Variants in RBMS3 observed in about 807,000 individuals in gnomAD.
RBMS3 encodes RNA binding motif single stranded interacting protein 3.
Under a neutral mutation model 66.8 loss-of-function variants are expected in RBMS3, and 27 were observed. The observed-to-expected ratio is 0.40, with a 90% CI of 0.30 to 0.56. RBMS3 has a LOEUF of 0.56. RBMS3 is among the 20% of genes least tolerant of loss of function. RBMS3 has a pLI of 0.40. For missense variants in RBMS3, 513 were observed against 549.5 expected (o/e 0.93, Z 0.66); for synonymous variants, 188 against 183.0 (o/e 1.03, Z -0.22).
rs184269628 is a variant in RBMS3, at chr3:29,630,469, C to T, written c.399+43264C>T. 1.4e-4 allele frequency among the ~76,000 whole-genome samples: 22 copies of T among 152,018 alleles called. No homozygotes were observed. In the East Asian group the frequency reaches 3.7e-3, roughly 25 times the overall value. On this transcript the variant is annotated intron_variant, in intron 4 of 14. Transcript: ENST00000383767. ...ATTTCCCCCAGTGCCTACTACAGTGCCTGCTATACATAGGAAACTCAGTCA... is the reference window on the plus strand; with the variant it reads ...ATTTCCCCCAGTGCCTACTACAGTGTCTGCTATACATAGGAAACTCAGTCA...
At chr3:29,544,186 A>G (rs1458270725) in intron 3 of RBMS3, among the ~76,000 whole-genome samples, 8 of 152,170 alleles carry the variant, frequency 5.3e-5, no homozygotes, top group Non-Finnish European at 8.8e-5. Context: ...ACAAAAGGTT[A>G]AAGATTATCT....
chr3:29,650,100 A>G (rs555400922), intron 4 of RBMS3, among the ~76,000 whole-genome samples: 2 of 152,298 alleles, frequency 1.3e-5, no homozygotes, highest in East Asian at 1.9e-4. Flanking sequence ...TTAGTTTCAC[A>G]TCCTCATACA....
At chr3:29,572,178 G>C (rs1220329339) in intron 3 of RBMS3, among the ~76,000 whole-genome samples, 2 of 152,056 alleles carry the variant, frequency 1.3e-5, no homozygotes, top group African/African-American at 4.8e-5. Context: ...TTTTGGTAGA[G>C]TCTTTTAAGT....
chr3:29,314,854 C>T (rs1245037325), intron 1 of RBMS3, among the ~76,000 whole-genome samples: 2 of 151,704 alleles, frequency 1.3e-5, no homozygotes, highest in Non-Finnish European at 2.9e-5. Context: ...TCCTTAAGTG[C>T]CTAAAAATGT....
intron 1 of RBMS3, among the ~76,000 whole-genome samples, chr3:29,424,099 T>C (rs2125706604): frequency 1.3e-5 from 2 of 152,360 alleles, no homozygotes; most frequent in East Asian, 3.9e-4. Context: ...TCTTATTTTA[T>C]AATCTTTTGT....
chr3:29,328,789 G>C (rs73054459), intron 1 of RBMS3, among the ~76,000 whole-genome samples: 1 of 152,042 alleles, frequency 6.6e-6, no homozygotes, highest in Admixed American at 6.6e-5. Context: ...ATTTGTTTAC[G>C]TGTTTATTTT....
At position 30,006,708 on chromosome 3, in the gene RBMS3, CAT is replaced by C. The variant is rs557554966; in HGVS notation, c.*2848_*2849del. The C allele has an allele frequency of 6.6e-5, 10 of 151,884 alleles. No individual in the cohort carries two copies. Among genetic ancestry groups the C allele is most frequent in the Non-Finnish European group, 1.3e-4 (9 of 67,878 alleles). 9.4% of individuals were successfully genotyped at this position (151,884 alleles called of 1,614,324 possible). ...ATAATTCATTTGAATATGAAACCAA[CAT>C]ACTTTCTTTCATTTTTGTGAAAAAA... On this transcript the variant is annotated 3_prime_UTR_variant, in exon 15 of 15. Coordinates refer to ENST00000383767, the MANE Select transcript of RBMS3 (RefSeq NM_001003793.3).
rs548979296 is a variant in RBMS3, at chr3:29,399,820, A to G, written c.76-34923A>G. Among the ~76,000 whole-genome samples the G allele has an allele frequency of 3.9e-5, 6 of 152,250 alleles. No individual in the cohort carries two copies. In the East Asian group the frequency reaches 1.2e-3, roughly 29 times the overall value. ...CTAAAGCACTGATAGGCAGGTAGAG[A>G]AGTAAAATGAAGGACAATGGCTAAA... is the stretch of plus-strand genomic sequence containing the variant. On this transcript the variant is annotated intron_variant, in intron 1 of 14. Transcript: ENST00000383767.
At chr3:29,507,997 A>C (rs918435825) in intron 3 of RBMS3, among the ~76,000 whole-genome samples, 2 of 152,172 alleles carry the variant, frequency 1.3e-5, no homozygotes, top group African/African-American at 4.8e-5. Flanking sequence ...TAATGAGAAA[A>C]TATGAAGATT....
chr3:29,597,525 G>C (rs1378205958), intron 4 of RBMS3, among the ~76,000 whole-genome samples: 1 of 152,100 alleles, frequency 6.6e-6, no homozygotes, highest in Non-Finnish European at 1.5e-5. Context: ...ACCGTGTCCA[G>C]GACACACTTT....
intron 4 of RBMS3, among the ~76,000 whole-genome samples, chr3:29,671,773 T>C (rs568603465): frequency 1.3e-5 from 2 of 152,234 alleles, no homozygotes; most frequent in South Asian, 4.1e-4. Context: ...CCAAGAAATA[T>C]GGTACTATGT....
At chr3:29,508,998 C>A (rs559905517) in intron 3 of RBMS3, among the ~76,000 whole-genome samples, 2 of 149,696 alleles carry the variant, frequency 1.3e-5, no homozygotes, top group South Asian at 2.1e-4. Context: ...TAAATGTCTT[C>A]TTTTAAGAAG....
At chr3:29,321,460 G>C (rs535427468) in intron 1 of RBMS3, among the ~76,000 whole-genome samples, 10 of 152,128 alleles carry the variant, frequency 6.6e-5, no homozygotes, top group African/African-American at 2.4e-4. Context: ...ATATTATGTG[G>C]CTAAATTCTA....
chr3:29,498,087 C>T (rs746229450), intron 3 of RBMS3, among the ~76,000 whole-genome samples: 4 of 143,124 alleles, frequency 2.8e-5, no homozygotes, highest in Non-Finnish European at 4.5e-5. Context: ...CTCCGCCTCC[C>T]GGGTTCAAAC....
chr3:29,905,371 ATGT>A (rs1157642321), intron 10 of RBMS3, among the ~76,000 whole-genome samples: 7 of 152,068 alleles, frequency 4.6e-5, no homozygotes, highest in African/African-American at 1.4e-4. Context: ...TTGTTTAAAA[ATGT>A]TGTTACCTTT....
At chr3:29,895,348 T>C (rs990813965) in intron 8 of RBMS3, among the ~76,000 whole-genome samples, 5 of 151,484 alleles carry the variant, frequency 3.3e-5, no homozygotes, top group African/African-American at 1.2e-4. Flanking sequence ...GACAAACACA[T>C]ACAATCATGT....
intron 6 of RBMS3, among the ~76,000 whole-genome samples, chr3:29,796,253 C>T (rs1227645858): frequency 2.0e-5 from 3 of 152,160 alleles, no homozygotes; most frequent in African/African-American, 4.8e-5. Context: ...CCTGAGCCAC[C>T]GTGCCCACCC....
At chr3:29,448,328 G>C (rs1313269628) in intron 2 of RBMS3, among the ~76,000 whole-genome samples, 5 of 152,168 alleles carry the variant, frequency 3.3e-5, no homozygotes, top group Non-Finnish European at 7.3e-5. Flanking sequence ...AACTGATAAT[G>C]AATGACACCT....
At chr3:29,816,951 C>A (rs1043826341) in intron 6 of RBMS3, among the ~76,000 whole-genome samples, 1 of 152,040 alleles carries the variant, frequency 6.6e-6, no homozygotes, top group Admixed American at 6.5e-5. Flanking sequence ...ATTAGCCGGG[C>A]ATGGTGGTGC....
Sources: allele counts gnomAD v4.1 joint callset (sites outside exome capture counted in the v4.1 genomes callset), GRCh38; gene constraint gnomAD v4.1.1; transcripts MANE v1.5; gene names NCBI Gene and HGNC (gene_info 2026-07-23, HGNC 2026-07-21).